MPPED2: variants seen among roughly 807,000 people sequenced by gnomAD.
The protein encoded by MPPED2 is metallophosphoesterase domain containing 2.
Under a neutral mutation model 33.0 loss-of-function variants are expected in MPPED2, and 5 were observed. That is an observed-to-expected ratio of 0.15 (90% CI 0.08 to 0.32). The LOEUF is 0.32. Among genes scored for constraint, MPPED2 ranks in the 10% least tolerant of loss-of-function variants. The pLI, the probability that MPPED2 is intolerant of heterozygous loss-of-function variation, is 1.00. For missense variants in MPPED2, 275 were observed against 372.1 expected, an observed-to-expected ratio of 0.74 and a Z score of 2.15; for synonymous variants, 136 against 141.9, an observed-to-expected ratio of 0.96 and a Z score of 0.29.
chr11:30,455,049 A>G (rs1448385480), intron 4 of MPPED2, among the ~76,000 whole-genome samples: 1 of 152,252 alleles, frequency 6.6e-6, no homozygotes, highest in Non-Finnish European at 1.5e-5. Context: ...ATGCTACTGC[A>G]TAACTGGACA....
At chr11:30,426,690 T>C (rs1469128763) in intron 4 of MPPED2, among the ~76,000 whole-genome samples, 1 of 152,250 alleles carries the variant, frequency 6.6e-6, no homozygotes, top group Non-Finnish European at 1.5e-5. Flanking sequence ...AGCAGTGCCC[T>C]GGACAGAAGT....
chr11:30,491,179 T>A (rs12800941), intron 4 of MPPED2, among the ~76,000 whole-genome samples: 46,647 of 152,046 alleles, frequency 0.31, 7,585 homozygotes, highest in Middle Eastern at 0.44. Context: ...TGGTATAAGT[T>A]CTCCCAAACG....
chr11:30,525,308 C>T (rs1255324507), intron 3 of MPPED2, among the ~76,000 whole-genome samples: 1 of 152,232 alleles, frequency 6.6e-6, no homozygotes, highest in Non-Finnish European at 1.5e-5. Context: ...TGTGCTAGGA[C>T]ACAAGAGTCC....
At chr11:30,533,670 C>G (rs1383289699) in intron 3 of MPPED2, among the ~76,000 whole-genome samples, 2 of 152,082 alleles carry the variant, frequency 1.3e-5, no homozygotes, top group African/African-American at 4.8e-5. Flanking sequence ...TATTCTTGGC[C>G]TTCTCTATGG....
chr11:30,418,840 A>G (rs1948485457), intron 4 of MPPED2, among the ~76,000 whole-genome samples: 2 of 152,262 alleles, frequency 1.3e-5, no homozygotes, highest in Admixed American at 1.3e-4. Context: ...AGAAACACTG[A>G]CACAGCTTTC....
chr11:30,558,704 G>A (rs914014088), intron 2 of MPPED2, among the ~76,000 whole-genome samples: 12 of 151,740 alleles, frequency 7.9e-5, no homozygotes, highest in African/African-American at 2.9e-4. Flanking sequence ...TTACAGGCAG[G>A]AGCCACCTTG....
At chr11:30,516,618 G>T (rs1953547997) in intron 3 of MPPED2, among the ~76,000 whole-genome samples, 1 of 152,122 alleles carries the variant, frequency 6.6e-6, no homozygotes, top group Non-Finnish European at 1.5e-5. Context: ...ATGGGTAATT[G>T]CCATCAGATG....
intron 3 of MPPED2, among the ~76,000 whole-genome samples, chr11:30,497,371 C>G (rs1442146762): frequency 6.6e-6 from 1 of 152,124 alleles, no homozygotes; most frequent in Non-Finnish European, 1.5e-5. Context: ...TAATAGTGCT[C>G]CCCGCCCCAA....
At chr11:30,543,030 T>C (rs7121800) in intron 2 of MPPED2, among the ~76,000 whole-genome samples, 51,551 of 152,050 alleles carry the variant, frequency 0.34, 9,021 homozygotes, top group East Asian at 0.5. Context: ...TATCCAGTCA[T>C]GGATAATTTA....
At chr11:30,503,887 G>A (rs1174116959) in intron 3 of MPPED2, among the ~76,000 whole-genome samples, 3 of 152,120 alleles carry the variant, frequency 2.0e-5, no homozygotes, top group African/African-American at 7.2e-5. Flanking sequence ...AGGTGCCCAG[G>A]AAAATCAAAT....
downstream of MPPED2, among the ~76,000 whole-genome samples, chr11:30,407,679 C>T (rs890448227): frequency 5.9e-5 from 9 of 152,044 alleles, no homozygotes; most frequent in African/African-American, 2.2e-4. Flanking sequence ...GGAGACTGTC[C>T]TGGGCAACAT....
At chr11:30,451,083 G>T (rs575142914) in intron 4 of MPPED2, among the ~76,000 whole-genome samples, 82 of 152,200 alleles carry the variant, frequency 5.4e-4, no homozygotes, top group Non-Finnish European at 9.3e-4. Context: ...CTTCATGCTA[G>T]CGTCACCCCT....
intron 3 of MPPED2, among the ~76,000 whole-genome samples, chr11:30,508,097 G>T (rs1443220456): frequency 6.6e-6 from 1 of 152,034 alleles, no homozygotes; most frequent in Non-Finnish European, 1.5e-5. Flanking sequence ...TATAATTAAG[G>T]CACAAAGTAT....
intron 3 of MPPED2, among the ~76,000 whole-genome samples, chr11:30,502,726 T>C (rs1037682222): frequency 1.3e-5 from 2 of 152,026 alleles, no homozygotes; most frequent in Non-Finnish European, 2.9e-5. Context: ...CTGAACTAGG[T>C]GGAAGATAAT....
At chr11:30,486,755 A>T (rs1484563808) in intron 4 of MPPED2, among the ~76,000 whole-genome samples, 1 of 152,154 alleles carries the variant, frequency 6.6e-6, no homozygotes, top group Non-Finnish European at 1.5e-5. Context: ...TAGATTTCTG[A>T]GTGTTCAGGA....
At chr11:30,402,571 T>G (rs1947923614) in intron 6 of MPPED2, among the ~76,000 whole-genome samples, 1 of 152,164 alleles carries the variant, frequency 6.6e-6, no homozygotes, top group South Asian at 2.1e-4. Context: ...TTGAGAAAGA[T>G]AGTGATCAAA....
chr11:30,533,247 A>G (rs1372628323), intron 3 of MPPED2, among the ~76,000 whole-genome samples: 1 of 152,186 alleles, frequency 6.6e-6, no homozygotes, highest in African/African-American at 2.4e-5. Flanking sequence ...AAATGGGGAT[A>G]ACATTAGCAA....
chr11:30,386,387 G>A (rs1165740443), exon 7 of MPPED2: 1 of 197,272 alleles, frequency 5.1e-6, no homozygotes, highest in Admixed American at 6.0e-5. Context: ...ACATCCTTGG[G>A]ACACTGCTTC....
chr11:30,483,835 T>C (rs951523337), intron 4 of MPPED2, among the ~76,000 whole-genome samples: 2 of 152,208 alleles, frequency 1.3e-5, no homozygotes, highest in African/African-American at 4.8e-5. Flanking sequence ...CTATTAGGTT[T>C]AGCTTTGAGA....
Sources: allele counts gnomAD v4.1 joint callset (sites outside exome capture counted in the v4.1 genomes callset), GRCh38; gene constraint gnomAD v4.1.1; transcripts MANE v1.5; gene names NCBI Gene and HGNC (gene_info 2026-07-23, HGNC 2026-07-21).